CDH13: variants seen among roughly 807,000 people sequenced by gnomAD.
CDH13 encodes the protein cadherin 13.
Under a neutral mutation model 63.8 loss-of-function variants are expected in CDH13, and 24 were observed. The observed-to-expected ratio is 0.38, with a 90% CI of 0.27 to 0.53. The LOEUF is 0.53. Ranked by LOEUF, CDH13 falls within the 20% of genes least tolerant of loss-of-function variation. The pLI is 0.85. For missense variants in CDH13, 1,049 were observed against 903.1 expected (o/e 1.16, Z -2.07); for synonymous variants, 503 against 355.3 (o/e 1.42, Z -4.67).
At chr16:82,949,844 A>C (rs1905109397) in intron 2 of CDH13, among the ~76,000 whole-genome samples, 1 of 152,162 alleles carries the variant, frequency 6.6e-6, no homozygotes, top group Admixed American at 6.5e-5. Context: ...TGAATGTTAC[A>C]GTGACTGATA....
chr16:82,937,010 C>T (rs1266456766), intron 2 of CDH13, among the ~76,000 whole-genome samples: 1 of 152,150 alleles, frequency 6.6e-6, no homozygotes, highest in African/African-American at 2.4e-5. Flanking sequence ...CCAAAACAAA[C>T]CACAGGCTGG....
At position 82,931,372 on chromosome 16, in the gene CDH13, C is replaced by T. The variant is rs562855217; in HGVS notation, c.157+72899C>T. Among the ~76,000 whole-genome samples the T allele has an allele frequency of 9.4e-4, 143 of 152,322 alleles. 1 individual carries two copies. Among genetic ancestry groups the T allele is most frequent in the Non-Finnish European group, 1.7e-3 (113 of 68,024 alleles). On this transcript the variant is annotated intron_variant, in intron 2 of 13. Transcript: ENST00000567109. ...TCTATTTTCCAATGCTAAAAATGCA[C>T]ATCTGTTCCAGAAAGACTTGGACTC...
intron 4 of CDH13, among the ~76,000 whole-genome samples, chr16:83,166,635 C>A (rs1347490052): frequency 1.3e-5 from 2 of 152,124 alleles, no homozygotes; most frequent in Non-Finnish European, 2.9e-5. Flanking sequence ...CTCTTACCTG[C>A]CCCATTTCCA....
At chr16:83,307,368 C>T (rs77516450) in intron 5 of CDH13, among the ~76,000 whole-genome samples, 2 of 152,186 alleles carry the variant, frequency 1.3e-5, no homozygotes, top group East Asian at 1.9e-4. Context: ...TCAACTTAAA[C>T]CTGAGCTCCA....
At chr16:83,544,198 C>G (rs1405504567) in intron 7 of CDH13, among the ~76,000 whole-genome samples, 2 of 152,102 alleles carry the variant, frequency 1.3e-5, no homozygotes, top group African/African-American at 2.4e-5. Flanking sequence ...AGAGGAGTCT[C>G]CAGCACTGAG....
At chr16:83,040,335 A>G (rs1046360863) in intron 3 of CDH13, among the ~76,000 whole-genome samples, 1 of 152,204 alleles carries the variant, frequency 6.6e-6, no homozygotes, top group African/African-American at 2.4e-5. Context: ...CATCATCACA[A>G]GGTAAAGTCC....
intron 10 of CDH13, among the ~76,000 whole-genome samples, chr16:83,715,290 C>T (rs761919910): frequency 5.9e-5 from 9 of 152,198 alleles, no homozygotes; most frequent in Non-Finnish European, 8.8e-5. Flanking sequence ...TTCCCATTTA[C>T]TTGATCAGGG....
chr16:83,667,087 T>TGATG (rs5818464), intron 8 of CDH13, among the ~76,000 whole-genome samples: 5,019 of 144,780 alleles, frequency 0.035, 100 homozygotes, highest in Admixed American at 0.047. Context: ...GATAGATGGA[T>TGATG]GATGGATGGA....
At chr16:83,542,407 G>A (rs2075311088) in intron 7 of CDH13, among the ~76,000 whole-genome samples, 1 of 152,190 alleles carries the variant, frequency 6.6e-6, no homozygotes, top group Non-Finnish European at 1.5e-5. Context: ...TCACAACACA[G>A]ATTGCTGGAT....
intron 5 of CDH13, among the ~76,000 whole-genome samples, chr16:83,239,154 C>T (rs12931408): frequency 0.64 from 97,686 of 151,966 alleles, 33,131 homozygotes; most frequent in East Asian, 0.77. Context: ...CCTTACCATG[C>T]CATTCTTGAG....
At chr16:83,532,315 C>A (rs377505674) in intron 7 of CDH13, among the ~76,000 whole-genome samples, 3 of 152,176 alleles carry the variant, frequency 2.0e-5, no homozygotes. Flanking sequence ...TGTCACCACC[C>A]TCACCCCAAG....
chr16:83,182,511 T>C (rs1597478659), intron 4 of CDH13, among the ~76,000 whole-genome samples: 1 of 152,182 alleles, frequency 6.6e-6, no homozygotes, highest in African/African-American at 2.4e-5. Context: ...ACGTGAAAGG[T>C]GAAGTTCATA....
At chr16:83,469,680 T>G (rs1250148295) in intron 6 of CDH13, among the ~76,000 whole-genome samples, 1 of 152,146 alleles carries the variant, frequency 6.6e-6, no homozygotes, top group Non-Finnish European at 1.5e-5. Context: ...TGAGGCCTTT[T>G]CAGTCTGGCA....
intron 3 of CDH13, among the ~76,000 whole-genome samples, chr16:83,048,023 A>C (rs950074179): frequency 5.9e-5 from 9 of 152,222 alleles, no homozygotes; most frequent in Non-Finnish European, 1.3e-4. Flanking sequence ...CAATAGAAAA[A>C]TATGAACTGA....
intron 1 of CDH13, among the ~76,000 whole-genome samples, chr16:82,631,437 A>G (rs931271295): frequency 1.8e-4 from 27 of 152,222 alleles, no homozygotes; most frequent in African/African-American, 5.8e-4. Context: ...AGGAGAAGGA[A>G]ATATCCCCCT....
intron 2 of CDH13, among the ~76,000 whole-genome samples, chr16:82,891,805 A>C (rs1300311787): frequency 6.6e-6 from 1 of 152,194 alleles, no homozygotes; most frequent in African/African-American, 2.4e-5. Flanking sequence ...ATTTTGAAAT[A>C]CCAGGCCCTT....
At chr16:83,180,853 T>G (rs555820280) in intron 4 of CDH13, 21 of 1,416,622 alleles carry the variant, frequency 1.5e-5, no homozygotes, top group African/African-American at 1.0e-4. Context: ...ACAAAATGTG[T>G]TTTTTTTTTC....
chr16:83,209,366 G>T (rs1053788576), intron 4 of CDH13, among the ~76,000 whole-genome samples: 1 of 152,128 alleles, frequency 6.6e-6, no homozygotes, highest in Admixed American at 6.5e-5. Context: ...AGATTTCCTA[G>T]CTTGGAACAG....
chr16:82,921,584 C>A (rs8044572), intron 2 of CDH13, among the ~76,000 whole-genome samples: 1 of 152,094 alleles, frequency 6.6e-6, no homozygotes, highest in Non-Finnish European at 1.5e-5. Flanking sequence ...GGTTGCAGGG[C>A]TCAGGATCTG....
Sources: allele counts gnomAD v4.1 joint callset (sites outside exome capture counted in the v4.1 genomes callset), GRCh38; gene constraint gnomAD v4.1.1; transcripts MANE v1.5; gene names NCBI Gene and HGNC (gene_info 2026-07-23, HGNC 2026-07-21).